Variants in ANKFN1 observed in about 807,000 individuals in gnomAD.
ANKFN1 encodes the protein ankyrin repeat and fibronectin type-III domain-containing protein 1.
A neutral mutation model predicts 108.7 loss-of-function variants in ANKFN1; 74 were observed. That is an observed-to-expected ratio of 0.68 (90% confidence interval 0.56 to 0.83). The LOEUF (loss-of-function observed/expected upper bound fraction) is 0.83, where lower values mean the gene tolerates loss of function less well. ANKFN1 is among the 40% of genes least tolerant of loss of function. The pLI is 0.00. For synonymous variants in ANKFN1, 547 were observed against 516.2 expected (o/e 1.06, Z -0.81); for missense variants, 1,505 against 1,382.3 (o/e 1.09, Z -1.41).
chr17:56,189,626 T>G (rs1436155195), intron 1 of ANKFN1, among the ~76,000 whole-genome samples: 1 of 152,182 alleles, frequency 6.6e-6, no homozygotes, highest in Non-Finnish European at 1.5e-5. Context: ...CTGAACCCTT[T>G]AACTGTGGGA....
At chr17:56,337,510 C>A (rs1466347251) in intron 4 of ANKFN1, among the ~76,000 whole-genome samples, 1 of 152,108 alleles carries the variant, frequency 6.6e-6, no homozygotes, top group African/African-American at 2.4e-5. Flanking sequence ...AAAGAAACTA[C>A]CGTCAGAGTC....
intron 6 of ANKFN1, among the ~76,000 whole-genome samples, chr17:56,362,848 C>T (rs2046557528): frequency 6.6e-6 from 1 of 152,104 alleles, no homozygotes; most frequent in Admixed American, 6.5e-5. Flanking sequence ...ACCCGTACAT[C>T]CAATAAGGGG....
chr17:56,316,287 TA>T (rs2045205724), intron 3 of ANKFN1, among the ~76,000 whole-genome samples: 1 of 152,186 alleles, frequency 6.6e-6, no homozygotes, highest in Non-Finnish European at 1.5e-5. Flanking sequence ...TCACTGTGAT[TA>T]ATTACAAAGA....
intron 4 of ANKFN1, among the ~76,000 whole-genome samples, chr17:56,141,686 G>A (rs946739138): frequency 6.6e-6 from 1 of 152,064 alleles, no homozygotes; most frequent in Non-Finnish European, 1.5e-5. Context: ...GGGGGTGGGG[G>A]AGCAGGAATT....
chr17:56,100,316 G>A (rs1400162618), intron 4 of ANKFN1, among the ~76,000 whole-genome samples: 2 of 152,180 alleles, frequency 1.3e-5, no homozygotes, highest in Non-Finnish European at 2.9e-5. Flanking sequence ...TTTAAGGTTA[G>A]ATGTCTGTGC....
chr17:56,062,233 G>A (rs1904986808), intron 4 of ANKFN1, among the ~76,000 whole-genome samples: 1 of 152,170 alleles, frequency 6.6e-6, no homozygotes, highest in Non-Finnish European at 1.5e-5. Flanking sequence ...GAGTTCCGTA[G>A]ATGTCCATTA....
At chr17:56,097,752 A>G (rs1266357890) in intron 4 of ANKFN1, among the ~76,000 whole-genome samples, 3 of 152,206 alleles carry the variant, frequency 2.0e-5, no homozygotes, top group Admixed American at 6.5e-5. Context: ...ATCCAGGCAC[A>G]CTGGCTTTCT....
intron 3 of ANKFN1, among the ~76,000 whole-genome samples, chr17:56,238,319 C>T (rs1171290359): frequency 6.6e-6 from 1 of 152,028 alleles, no homozygotes; most frequent in Non-Finnish European, 1.5e-5. Context: ...AGGTCCTGAA[C>T]ATTTTTGTCA....
At chr17:56,341,350 G>C (rs1252631842) in intron 4 of ANKFN1, among the ~76,000 whole-genome samples, 1 of 152,078 alleles carries the variant, frequency 6.6e-6, no homozygotes, top group Non-Finnish European at 1.5e-5. Context: ...TGTTGAATAG[G>C]AGTAGTGGGA....
intron 1 of ANKFN1, among the ~76,000 whole-genome samples, chr17:56,202,545 G>A (rs1161550162): frequency 6.6e-6 from 1 of 152,128 alleles, no homozygotes; most frequent in Non-Finnish European, 1.5e-5. Context: ...AACCAAAGAA[G>A]CCCATACATC....
chr17:56,482,332 T>C (rs755941420), intron 17 of ANKFN1, 24 bp from the exon 18 acceptor site: 1 of 1,550,982 alleles, frequency 6.4e-7, no homozygotes, highest in Non-Finnish European at 8.7e-7. Flanking sequence ...CTCCTATTTT[T>C]CCTCCGCGCG....
At chr17:56,186,264 T>A (rs1436928103) in intron 1 of ANKFN1, among the ~76,000 whole-genome samples, 1 of 151,736 alleles carries the variant, frequency 6.6e-6, no homozygotes, top group Non-Finnish European at 1.5e-5. Flanking sequence ...TGCTTTTTAG[T>A]CACCTGGGAG....
intron 4 of ANKFN1, among the ~76,000 whole-genome samples, chr17:56,142,151 G>A (rs969933896): frequency 1.2e-4 from 18 of 151,840 alleles, no homozygotes; most frequent in African/African-American, 3.1e-4. Flanking sequence ...GGATGGTTTC[G>A]ATCTCTTGAC....
At chr17:56,359,010 T>G (rs1223988304) in intron 6 of ANKFN1, among the ~76,000 whole-genome samples, 2 of 152,204 alleles carry the variant, frequency 1.3e-5, no homozygotes, top group Non-Finnish European at 2.9e-5. Flanking sequence ...ACCCCATAGA[T>G]AGTAATCATA....
chr17:56,227,804 A>T (rs1916395437), intron 2 of ANKFN1, 113 bp from the exon 3 acceptor site: 2 of 804,548 alleles, frequency 2.5e-6, no homozygotes, highest in Non-Finnish European at 4.0e-6. Context: ...TCTGTAGGCT[A>T]GGCTTCTCTC....
chr17:56,170,801 T>TACACACACACACACAC (rs1224594065), intron 1 of ANKFN1, among the ~76,000 whole-genome samples: 73 of 64,208 alleles, frequency 1.1e-3, no homozygotes, highest in East Asian at 3.6e-3. Flanking sequence ...TATATATATA[T>TACACACACACACACAC]ATATATACAC....
intron 18 of ANKFN1, among the ~76,000 whole-genome samples, chr17:56,487,795 C>T (rs559392706): frequency 6.6e-6 from 1 of 152,164 alleles, no homozygotes; most frequent in Non-Finnish European, 1.5e-5. Flanking sequence ...AGAGATAATA[C>T]TTGAGCTGTA....
At chr17:56,471,726 T>C (rs907902201) in intron 15 of ANKFN1, 1 of 152,244 alleles carries the variant, frequency 6.6e-6, no homozygotes, top group South Asian at 2.1e-4. Context: ...GAATCACATA[T>C]GATCCATGCT....
At chr17:56,507,497 T>C (rs1254490672) in intron 20 of ANKFN1, among the ~76,000 whole-genome samples, 1 of 152,012 alleles carries the variant, frequency 6.6e-6, no homozygotes, top group Non-Finnish European at 1.5e-5. Flanking sequence ...CCATTCTCTC[T>C]CCAATAGTTT....
Sources: allele counts gnomAD v4.1 joint callset (sites outside exome capture counted in the v4.1 genomes callset), GRCh38; gene constraint gnomAD v4.1.1; transcripts MANE v1.5; gene names NCBI Gene and HGNC (gene_info 2026-07-23, HGNC 2026-07-21).